The following FAM53A variants were observed in gnomAD, a reference collection of about 807,000 sequenced individuals.
The protein encoded by FAM53A is protein FAM53A.
A neutral mutation model predicts 26.6 loss-of-function variants in FAM53A; 28 were observed. The ratio of observed to expected loss-of-function variants is 1.05; its 90% CI spans 0.78 to 1.45. The LOEUF is 1.45. FAM53A is among the 40% of genes most tolerant of loss of function. FAM53A has a pLI of 0.00. For missense variants in FAM53A, 650 were observed against 575.8 expected (o/e 1.13, Z -1.32); for synonymous variants, 290 against 253.1 (o/e 1.15, Z -1.38).
chr4:1,600,258 G>A, the FAM53A span, among the ~76,000 whole-genome samples: 1 of 152,192 alleles, frequency 6.6e-6, no homozygotes, highest in Non-Finnish European at 1.5e-5. Context: ...CCTCTGCAGA[G>A]GAGGGCTCTG....
chr4:1,609,605 C>T, the FAM53A span, among the ~76,000 whole-genome samples: 1 of 152,046 alleles, frequency 6.6e-6, no homozygotes, highest in African/African-American at 2.4e-5. Context: ...TGTGAAGAGG[C>T]GCCTTCCATC....
chr4:1,587,805 C>G, the FAM53A span, among the ~76,000 whole-genome samples: 4 of 152,220 alleles, frequency 2.6e-5, no homozygotes, highest in African/African-American at 9.6e-5. Context: ...GTGCCATTGG[C>G]GTACTGTTTT....
chr4:1,670,521 TC>T (rs1386379265), intron 1 of FAM53A, among the ~76,000 whole-genome samples: 1 of 152,198 alleles, frequency 6.6e-6, no homozygotes, highest in Non-Finnish European at 1.5e-5. Flanking sequence ...ATGGGGCTGT[TC>T]CAGGCCAGGG....
intron 4 of FAM53A, among the ~76,000 whole-genome samples, chr4:1,649,663 G>A (rs1712573421): frequency 6.6e-6 from 1 of 152,244 alleles, no homozygotes; most frequent in Non-Finnish European, 1.5e-5. Flanking sequence ...GCAAAGAAAT[G>A]AGGCCTCCTG....
In FAM53A at chr4:1,668,693, G is replaced by C. The variant is rs1402385478; in HGVS notation, c.49C>G (p.Leu17Val). The change falls in exon 2 of 5, where the codon CTC becomes GTC. Residue 17 changes from leucine (L) to valine (V), a missense_variant. Transcript: ENST00000308132. ...GGGCCAGCCTCCGCCTTGCAGGTGA[G>C]GTCGTCCAGGCTCTGGCTCTGCAGC... ...EKLQSQSLDD[L>V]TCKAEAGPLQ... The C allele has an allele frequency of 6.2e-7, 1 of 1,614,176 alleles. No homozygotes were observed. The highest frequency in any genetic ancestry group is 1.7e-5 in the Admixed American group (1 of 60,034).
intron 4 of FAM53A, among the ~76,000 whole-genome samples, chr4:1,642,866 C>T (rs1711850150): frequency 6.6e-6 from 1 of 152,238 alleles, no homozygotes; most frequent in Non-Finnish European, 1.5e-5. Context: ...CCTCGTGGCT[C>T]AGGCTTGTGA....
the FAM53A span, among the ~76,000 whole-genome samples, chr4:1,592,326 G>C: frequency 6.6e-6 from 1 of 152,234 alleles, no homozygotes; most frequent in Non-Finnish European, 1.5e-5. Flanking sequence ...AGTCTCCGTG[G>C]GCGGAGCGAG....
the FAM53A span, among the ~76,000 whole-genome samples, chr4:1,582,175 A>G: frequency 6.6e-6 from 1 of 152,246 alleles, no homozygotes; most frequent in Non-Finnish European, 1.5e-5. Flanking sequence ...AGGAGACGCC[A>G]TTCTCATGTC....
chr4:1,660,837 C>G (rs1379351564), intron 2 of FAM53A, among the ~76,000 whole-genome samples: 1 of 151,528 alleles, frequency 6.6e-6, no homozygotes, highest in African/African-American at 2.4e-5. Context: ...GCGGAGATCA[C>G]GCCTCTGCAC....
intron 1 of FAM53A, among the ~76,000 whole-genome samples, chr4:1,621,560 G>A (rs902377444): frequency 2.0e-5 from 3 of 152,108 alleles, no homozygotes; most frequent in Admixed American, 2.0e-4. Flanking sequence ...GGGTGGATCT[G>A]CCGCCACCCA....
At chr4:1,577,880 G>C in the FAM53A span, among the ~76,000 whole-genome samples, 28 of 152,128 alleles carry the variant, frequency 1.8e-4, no homozygotes, top group African/African-American at 5.5e-4. Flanking sequence ...GGCTCTGCCG[G>C]GACCAGGCAG....
At chr4:1,607,324 GTT>G in the FAM53A span, among the ~76,000 whole-genome samples, 2 of 144,468 alleles carry the variant, frequency 1.4e-5, no homozygotes, top group Non-Finnish European at 3.1e-5. Context: ...CAGCCTCTGG[GTT>G]TTTTTTTTTT....
At chr4:1,623,341 C>G (rs1375665380) in intron 1 of FAM53A, among the ~76,000 whole-genome samples, 1 of 144,996 alleles carries the variant, frequency 6.9e-6, no homozygotes, top group East Asian at 1.9e-4. Context: ...CACCCCCACC[C>G]CCACCGCAGC....
intron 1 of FAM53A, among the ~76,000 whole-genome samples, chr4:1,681,963 G>A (rs115403149): frequency 0.011 from 1,710 of 152,258 alleles, 17 homozygotes; most frequent in Non-Finnish European, 0.019. Context: ...ACAAAGCCCC[G>A]GGTTCAGACA....
chr4:1,673,555 A>G lies in FAM53A; in HGVS notation c.-164-4650T>C, dbSNP rs571720279. Among the ~76,000 whole-genome samples the G allele has an allele frequency of 3.9e-5, 6 of 152,342 alleles. No individual in the cohort carries two copies. The South Asian group carries it at 1.2e-3, about 32-fold the overall frequency. ...GAGACCAACCTGGGCCAACATGGTGAAACCCCATCTCTATTAAAAATATAA... is the reference window on the plus strand; with the variant it reads ...GAGACCAACCTGGGCCAACATGGTGGAACCCCATCTCTATTAAAAATATAA... On this transcript the variant is annotated intron_variant, in intron 1 of 4. Transcript: ENST00000308132.
At chr4:1,616,755 G>A (rs546686853), downstream of FAM53A, among the ~76,000 whole-genome samples, 82 of 152,320 alleles carry the variant, frequency 5.4e-4, no homozygotes, top group Admixed American at 2.3e-3. Flanking sequence ...GGTCTGTCCC[G>A]CGGAGAAGCC....
At chr4:1,602,483 G>A in the FAM53A span, among the ~76,000 whole-genome samples, 1 of 152,228 alleles carries the variant, frequency 6.6e-6, no homozygotes, top group Non-Finnish European at 1.5e-5. Flanking sequence ...ATGAATCGCT[G>A]ACCTTTCTGG....
At chr4:1,607,315 A>G in the FAM53A span, among the ~76,000 whole-genome samples, 1 of 149,048 alleles carries the variant, frequency 6.7e-6, no homozygotes, top group Non-Finnish European at 1.5e-5. Context: ...CACTGCATCC[A>G]GCCTCTGGGT....
At chr4:1,645,921 C>T (rs2108835439) in intron 4 of FAM53A, among the ~76,000 whole-genome samples, 1 of 152,306 alleles carries the variant, frequency 6.6e-6, no homozygotes, top group Non-Finnish European at 1.5e-5. Flanking sequence ...GTCCTGCGGG[C>T]CTGCACAAGA....
Sources: allele counts gnomAD v4.1 joint callset (sites outside exome capture counted in the v4.1 genomes callset), GRCh38; gene constraint gnomAD v4.1.1; transcripts MANE v1.5; gene names NCBI Gene and HGNC (gene_info 2026-07-23, HGNC 2026-07-21).